The following DIP2B variants were observed in gnomAD, a reference collection of about 807,000 sequenced individuals.
The protein encoded by DIP2B is disco-interacting protein 2 homolog B.
DIP2B carries 76 observed loss-of-function variants against 198.0 expected under a neutral mutation model. The observed-to-expected ratio is 0.38, with a 90% CI of 0.32 to 0.46. The LOEUF (loss-of-function observed/expected upper bound fraction) is 0.46, where lower values mean the gene tolerates loss of function less well. Among genes scored for constraint, DIP2B ranks in the 20% least tolerant of loss-of-function variants. The probability of loss-of-function intolerance (pLI) is 0.99; values close to 1 mark genes in which losing one functional copy is unlikely to be tolerated. For synonymous variants in DIP2B, 701 were observed against 739.1 expected (o/e 0.95, Z 0.84); for missense variants, 1,559 against 1,978.4 (o/e 0.79, Z 4.02).
intron 3 of DIP2B, among the ~76,000 whole-genome samples, chr12:50,658,586 CAT>C (rs956856294): frequency 2.6e-4 from 40 of 152,134 alleles, no homozygotes; most frequent in African/African-American, 4.6e-4. Flanking sequence ...AATAATTAGA[CAT>C]GTGCTAAGGT....
At chr12:50,651,612 C>T (rs1382170574) in intron 3 of DIP2B, among the ~76,000 whole-genome samples, 1 of 152,020 alleles carries the variant, frequency 6.6e-6, no homozygotes, top group Non-Finnish European at 1.5e-5. Context: ...AGTTTTGGCA[C>T]CTTTGTTGAA....
At chr12:50,656,375 T>G (rs1327544967) in intron 3 of DIP2B, among the ~76,000 whole-genome samples, 1 of 152,184 alleles carries the variant, frequency 6.6e-6, no homozygotes, top group African/African-American at 2.4e-5. Context: ...GAATATCTTA[T>G]GTCATAAAAC....
chr12:50,705,379 G>A (rs1418393875), intron 20 of DIP2B, among the ~76,000 whole-genome samples: 8 of 152,276 alleles, frequency 5.3e-5, no homozygotes, highest in African/African-American at 1.7e-4. Context: ...AATTCTCAAA[G>A]ACCCACCTCC....
Position 50,745,191 on chromosome 12 carries a change from G to T in DIP2B, c.*352G>T. ...GAATTTAATGAATTCACATGAAAGGGGTAGTCTGAGTGACACAGTTCCCCA... is the reference window on the plus strand; with the variant it reads ...GAATTTAATGAATTCACATGAAAGGTGTAGTCTGAGTGACACAGTTCCCCA... On this transcript the variant is annotated 3_prime_UTR_variant, in exon 38 of 38. Coordinates refer to ENST00000301180, the MANE Select transcript of DIP2B (RefSeq NM_173602.3). 3.5e-6 allele frequency: 1 copy of T among 284,090 alleles called. No homozygotes were observed. Among genetic ancestry groups the T allele is most frequent in the Non-Finnish European group, 6.9e-6 (1 of 145,266 alleles). 17.6% of individuals were successfully genotyped at this position (284,090 alleles called of 1,614,324 possible). A position where few individuals can be genotyped will look rare whatever the true frequency, so the allele number is the denominator to read the frequency against.
chr12:50,554,543 T>G (rs186272603), intron 1 of DIP2B, among the ~76,000 whole-genome samples: 12 of 152,282 alleles, frequency 7.9e-5, no homozygotes, highest in African/African-American at 2.9e-4. Context: ...TCACCTTGAA[T>G]AGGTTGTTCC....
At chr12:50,733,842 C>G (rs954002515) in intron 32 of DIP2B, among the ~76,000 whole-genome samples, 2 of 152,218 alleles carry the variant, frequency 1.3e-5, no homozygotes, top group Admixed American at 6.5e-5. Context: ...TGAGCCCCAT[C>G]ATAGCCCTCT....
chr12:50,644,447 A>T (rs147029882), intron 3 of DIP2B, among the ~76,000 whole-genome samples: 1 of 152,342 alleles, frequency 6.6e-6, no homozygotes, highest in East Asian at 1.9e-4. Context: ...CAGCTCAAAC[A>T]TGAATACTGG....
intron 35 of DIP2B, among the ~76,000 whole-genome samples, chr12:50,737,678 C>T (rs986822795): frequency 1.3e-5 from 2 of 151,922 alleles, no homozygotes; most frequent in African/African-American, 4.8e-5. Flanking sequence ...CTCCGCCTCC[C>T]GGGTTCAAGT....
chr12:50,608,193 A>T (rs1959000444), intron 1 of DIP2B, among the ~76,000 whole-genome samples: 2 of 152,228 alleles, frequency 1.3e-5, no homozygotes, highest in African/African-American at 4.8e-5. Context: ...TAGTTTATTT[A>T]GATAATATCT....
intron 22 of DIP2B, among the ~76,000 whole-genome samples, chr12:50,713,593 C>T (rs1034482449): frequency 1.3e-5 from 2 of 152,124 alleles, no homozygotes; most frequent in South Asian, 2.1e-4. Context: ...GGGCCTCACC[C>T]CAGATGTTTT....
chr12:50,541,000 A>G (rs552343839), intron 1 of DIP2B, among the ~76,000 whole-genome samples: 110 of 152,270 alleles, frequency 7.2e-4, no homozygotes, highest in African/African-American at 2.3e-3. Context: ...TGTGTTTTCC[A>G]TAGTTTCTTC....
intron 1 of DIP2B, among the ~76,000 whole-genome samples, chr12:50,560,166 G>A (rs529431490): frequency 2.6e-5 from 4 of 151,272 alleles, no homozygotes; most frequent in Admixed American, 6.6e-5. Flanking sequence ...AGGCTGAGGC[G>A]GGTGGATCAC....
At chr12:50,679,589 A>C (rs887837022) in intron 8 of DIP2B, 33 of 152,246 alleles carry the variant, frequency 2.2e-4, no homozygotes, top group African/African-American at 7.7e-4. Flanking sequence ...CCCTTATCTC[A>C]TAATCTAAAA....
At chr12:50,529,486 A>G (rs1013904510) in intron 1 of DIP2B, among the ~76,000 whole-genome samples, 1 of 152,168 alleles carries the variant, frequency 6.6e-6, no homozygotes, top group Admixed American at 6.6e-5. Context: ...TAGATTTGTC[A>G]ATCATTGAAG....
Position 50,708,635 on chromosome 12 carries a change from A to G in DIP2B, c.2649+73A>G, listed in dbSNP as rs1034346085. 3.0e-5 allele frequency: 37 copies of G among 1,243,728 alleles called. No homozygotes were observed. The South Asian group carries it at 3.4e-4, about 11-fold the overall frequency. The allele number at this position is 1,243,728 out of a possible 1,614,324, so 77.0% of individuals were successfully genotyped here. On this transcript the variant is annotated intron_variant, in intron 22 of 37. Transcript: ENST00000301180. ...CTGCCTAAGCATTTCATTTTCTTCG[A>G]TCAGCCAGTAATGCCACCTTACTTC...
chr12:50,535,508 A>G (rs1038758355), intron 1 of DIP2B, among the ~76,000 whole-genome samples: 47 of 151,550 alleles, frequency 3.1e-4, no homozygotes, highest in African/African-American at 9.7e-4. Flanking sequence ...CTGGCATCAC[A>G]GGCGCCCACC....
intron 9 of DIP2B, among the ~76,000 whole-genome samples, chr12:50,681,689 A>G (rs570140562): frequency 7.5e-4 from 114 of 152,272 alleles, no homozygotes; most frequent in African/African-American, 2.7e-3. Flanking sequence ...CCAACTACAC[A>G]ATAGACTTAT....
Position 50,519,440 on chromosome 12 carries a change from A to G in DIP2B, c.100+14200A>G, listed in dbSNP as rs576101125. 3.3e-3 allele frequency among the ~76,000 whole-genome samples: 506 copies of G among 152,256 alleles called. 1 individual carries two copies. Among genetic ancestry groups the G allele is most frequent in the Non-Finnish European group, 5.8e-3 (395 of 68,010 alleles). On this transcript the variant is annotated intron_variant, in intron 1 of 37. Transcript: ENST00000301180. ...TAAAAGAATGAAAAATATGAAGTGC[A>G]TCTATAAAGTGAAAGGTAATTTTAT... is the stretch of plus-strand genomic sequence containing the variant.
Position 50,715,801 on chromosome 12 carries a change from G to A in DIP2B, c.2851+1205G>A, listed in dbSNP as rs1939703756. Reference sequence around the variant, plus strand: ...ACTAAAGAATATAGTCTTTATTCCAGGCATGTGTCCAGCTAAAAACTGGGG... The same window carrying A: ...ACTAAAGAATATAGTCTTTATTCCAAGCATGTGTCCAGCTAAAAACTGGGG... On this transcript the variant is annotated intron_variant, in intron 23 of 37. Transcript: ENST00000301180. 5.9e-5 allele frequency among the ~76,000 whole-genome samples: 9 copies of A among 152,114 alleles called. 1 individual carries two copies. Among genetic ancestry groups the A allele is most frequent in the Admixed American group, 5.9e-4 (9 of 15,280 alleles).
Sources: gnomAD v4.1 joint callset for allele counts (sites outside exome capture counted in the v4.1 genomes callset) on GRCh38, gnomAD v4.1.1 for gene constraint, MANE v1.5 for transcripts, NCBI Gene and HGNC (gene_info 2026-07-23, HGNC 2026-07-21) for gene names.